Variants in SPATA7 observed in about 807,000 individuals in gnomAD.
The protein encoded by SPATA7 is spermatogenesis associated 7.
A neutral mutation model predicts 51.8 loss-of-function variants in SPATA7; 43 were observed. The observed-to-expected ratio is 0.83, with a 90% CI of 0.65 to 1.07. The LOEUF (loss-of-function observed/expected upper bound fraction) is 1.07, where lower values mean the gene tolerates loss of function less well. SPATA7 is among the 50% of genes least tolerant of loss of function. SPATA7 has a pLI of 0.00. For missense variants in SPATA7, 683 were observed against 701.3 expected (o/e 0.97, Z 0.30); for synonymous variants, 230 against 252.8 (o/e 0.91, Z 0.86).
downstream of SPATA7, among the ~76,000 whole-genome samples, chr14:88,439,430 A>T (rs768280001): frequency 6.6e-6 from 1 of 152,156 alleles, no homozygotes; most frequent in Non-Finnish European, 1.5e-5. Context: ...ATACCTTTTT[A>T]ACTATTTACA....
chr14:88,431,328 TA>T, intron 9 of SPATA7, 103 bp downstream of exon 9: 1 of 1,129,610 alleles, frequency 8.9e-7, no homozygotes, highest in Non-Finnish European at 1.3e-6. Flanking sequence ...TCTCTTTTTT[TA>T]AAACTGGCAA....
rs759599766 is a variant in SPATA7, at chr14:88,416,697, G to A, written c.239-14G>A. 1.2e-6 allele frequency: 2 copies of A among 1,612,220 alleles called. No individual in the cohort carries two copies. The highest frequency in any genetic ancestry group is 1.7e-5 in the Admixed American group (1 of 59,822). Reference sequence around the variant, plus strand: ...TTTTGTTCCATATTTTGAAAGATTTGTTTTCCCTTTTAGATGCAGACCAAC... The same window carrying A: ...TTTTGTTCCATATTTTGAAAGATTTATTTTCCCTTTTAGATGCAGACCAAC... On this transcript the variant is annotated splice_polypyrimidine_tract_variant and intron_variant, in intron 4 of 11. Coordinates refer to ENST00000393545, the MANE Select transcript of SPATA7 (RefSeq NM_018418.5).
At chr14:88,402,972 A>AAC (rs968417892) in intron 4 of SPATA7, among the ~76,000 whole-genome samples, 6 of 140,846 alleles carry the variant, frequency 4.3e-5, no homozygotes, top group Non-Finnish European at 5.9e-5. Context: ...AAAAAAAAAA[A>AAC]AAAAAAAAAA....
intron 4 of SPATA7, among the ~76,000 whole-genome samples, chr14:88,463,051 G>A (rs549564751): frequency 6.6e-6 from 1 of 152,098 alleles, no homozygotes; most frequent in Non-Finnish European, 1.5e-5. Context: ...GAAATATGAT[G>A]TGCAGACAGA....
At chr14:88,420,618 T>C (rs1050803290) in intron 5 of SPATA7, among the ~76,000 whole-genome samples, 1 of 152,176 alleles carries the variant, frequency 6.6e-6, no homozygotes, top group African/African-American at 2.4e-5. Context: ...TACAAAAATA[T>C]AGTATAATAA....
chr14:88,393,330 C>T, intron 2 of SPATA7, 63 bp from the exon 3 acceptor site: 1 of 1,114,878 alleles, frequency 9.0e-7, no homozygotes, highest in South Asian at 1.4e-5. Flanking sequence ...TAATCAGTGC[C>T]TTGTTTATCT....
intron 3 of SPATA7, among the ~76,000 whole-genome samples, chr14:88,445,258 G>A (rs998773359): frequency 2.0e-5 from 3 of 149,370 alleles, no homozygotes; most frequent in African/African-American, 2.5e-5. Flanking sequence ...TTGTGAATGG[G>A]AGTTCACTCA....
intron 1 of SPATA7, among the ~76,000 whole-genome samples, chr14:88,389,033 T>C (rs549014551): frequency 6.6e-6 from 1 of 152,206 alleles, no homozygotes; most frequent in East Asian, 1.9e-4. Context: ...CTAGAGTTGC[T>C]GCAATATATT....
chr14:88,433,120 G>A lies in SPATA7; in HGVS notation c.1083-15G>A, dbSNP rs750906959. The A allele has an allele frequency of 3.1e-6, 5 of 1,598,342 alleles. No individual in the cohort carries two copies. The highest frequency in any genetic ancestry group is 4.3e-6 in the Non-Finnish European group (5 of 1,168,170). On this transcript the variant is annotated splice_polypyrimidine_tract_variant and intron_variant, in intron 9 of 11. Coordinates refer to ENST00000393545, the MANE Select transcript of SPATA7 (RefSeq NM_018418.5). The stretch of plus-strand genomic sequence containing the variant: ...AGGAATAATTTTTATGCTATATATT[G>A]CCTTCCTTTTACAGTGAAGAAGAAC...
intron 3 of SPATA7, among the ~76,000 whole-genome samples, chr14:88,447,575 A>G (rs2077222997): frequency 6.6e-6 from 1 of 152,030 alleles, no homozygotes; most frequent in African/African-American, 2.4e-5. Flanking sequence ...GTTTCTTCGT[A>G]GTCTCGATGG....
intron 4 of SPATA7, chr14:88,406,612 CT>C (rs1266799475): frequency 6.7e-6 from 1 of 149,816 alleles, no homozygotes; most frequent in Non-Finnish European, 1.5e-5. Context: ...TCCAGGTGTT[CT>C]TTTTTTATTA....
intron 3 of SPATA7, among the ~76,000 whole-genome samples, chr14:88,395,791 G>A (rs2075863195): frequency 6.6e-6 from 1 of 152,008 alleles, no homozygotes; most frequent in African/African-American, 2.4e-5. Flanking sequence ...CTATCTTTAA[G>A]CCCCATGCCA....
chr14:88,397,319 G>A (rs182508215), intron 4 of SPATA7, among the ~76,000 whole-genome samples: 35 of 152,196 alleles, frequency 2.3e-4, no homozygotes, highest in Non-Finnish European at 4.3e-4. Context: ...ATACTAAAAG[G>A]TGTTGACACA....
In SPATA7 at chr14:88,469,258, C is replaced by G. The variant is rs773923297; in HGVS notation, c.255-589C>G. ...CTGAGCAAGTCACTACCTCTGTCCA[C>G]TTTCTGATCTACAAAATGAAATGAC... is the stretch of plus-strand genomic sequence containing the variant. On this transcript the variant is annotated intron_variant, in intron 4 of 4. Transcript: ENST00000556406. This position sits in a 1 kb window ranked among gnomAD's most constrained non-coding sequence, Gnocchi z 4.3. Among the ~76,000 whole-genome samples, 4 of 152,280 alleles carry G rather than the reference C, an allele frequency of 2.6e-5. No homozygotes were observed. Among genetic ancestry groups the G allele is most frequent in the Non-Finnish European group, 4.4e-5 (3 of 68,030 alleles).
At chr14:88,438,997 G>T (rs770062574), downstream of SPATA7, among the ~76,000 whole-genome samples, 2 of 152,182 alleles carry the variant, frequency 1.3e-5, no homozygotes, top group Non-Finnish European at 2.9e-5. Context: ...ATATACAAGG[G>T]TGTGAATGCC....
rs1404003168 is a variant in SPATA7, at chr14:88,431,167, T to C, written c.1029-5T>C. 1.2e-6 allele frequency: 2 copies of C among 1,613,448 alleles called. No homozygotes were observed. Among genetic ancestry groups the C allele is most frequent in the Non-Finnish European group, 1.7e-6 (2 of 1,179,638 alleles). ...TGCTCAACTACTTTAACTTCCTCTTTCTAGGGCAATGTGTCAGTATTCCCT... is the reference window on the plus strand; with the variant it reads ...TGCTCAACTACTTTAACTTCCTCTTCCTAGGGCAATGTGTCAGTATTCCCT... On this transcript the variant is annotated splice_region_variant and splice_polypyrimidine_tract_variant and intron_variant, in intron 8 of 11. Transcript: ENST00000393545.
In SPATA7 at chr14:88,438,375, CTTAAA is replaced by C; in HGVS notation, c.1754_1758del (p.Leu585HisfsTer7). 1 of 1,614,052 alleles carries C rather than the reference CTTAAA, an allele frequency of 6.2e-7. No individual in the cohort carries two copies. The highest frequency in any genetic ancestry group is 8.5e-7 in the Non-Finnish European group (1 of 1,180,002). Reference sequence around the variant, plus strand: ...TAATCATGACATGGAGTTATCAACTCTTAAAATCATGGAAATGAGCATTGAGGACT... The same window carrying C: ...TAATCATGACATGGAGTTATCAACTCATCATGGAAATGAGCATTGAGGACT... On this transcript the variant is annotated frameshift_variant, in exon 12 of 12. Coordinates refer to ENST00000393545, the MANE Select transcript of SPATA7 (RefSeq NM_018418.5). LOFTEE classifies it high-confidence loss of function.
At chr14:88,424,122 G>A (rs890806204) in intron 5 of SPATA7, among the ~76,000 whole-genome samples, 1 of 152,110 alleles carries the variant, frequency 6.6e-6, no homozygotes, top group Non-Finnish European at 1.5e-5. Flanking sequence ...TTGCTCCATT[G>A]GCACATAATT....
At chr14:88,452,203 T>A (rs2077255642) in intron 3 of SPATA7, among the ~76,000 whole-genome samples, 1 of 152,152 alleles carries the variant, frequency 6.6e-6, no homozygotes, top group Non-Finnish European at 1.5e-5. Context: ...CTGGATCTAG[T>A]CACCCAGCAG....
Sources: allele counts gnomAD v4.1 joint callset (sites outside exome capture counted in the v4.1 genomes callset), GRCh38; gene constraint gnomAD v4.1.1; non-coding constraint Gnocchi (gnomAD v3.1); transcripts MANE v1.5; gene names NCBI Gene and HGNC (gene_info 2026-07-23, HGNC 2026-07-21).